PDZRN4: variants seen among roughly 807,000 people sequenced by gnomAD.
PDZRN4 encodes the protein PDZ domain-containing RING finger protein 4.
Under a neutral mutation model 99.0 loss-of-function variants are expected in PDZRN4, and 70 were observed. That is an observed-to-expected ratio of 0.71 (90% confidence interval 0.58 to 0.86). The LOEUF (loss-of-function observed/expected upper bound fraction) is 0.86, where lower values mean the gene tolerates loss of function less well. Ranked by LOEUF, PDZRN4 falls within the 40% of genes least tolerant of loss-of-function variation. PDZRN4 has a pLI of 0.00. For synonymous variants in PDZRN4, 551 were observed against 501.6 expected, an observed-to-expected ratio of 1.10 and a Z score of -1.32; for missense variants, 1,474 against 1,331.2, an observed-to-expected ratio of 1.11 and a Z score of -1.67.
chr12:41,332,682 GT>G (rs1951748000), intron 3 of PDZRN4, among the ~76,000 whole-genome samples: 1 of 145,904 alleles, frequency 6.9e-6, no homozygotes, highest in Admixed American at 6.9e-5. Flanking sequence ...CAAGAACTGA[GT>G]ACAAACTACT....
At chr12:41,471,526 A>G (rs997449261) in intron 3 of PDZRN4, among the ~76,000 whole-genome samples, 1 of 149,228 alleles carries the variant, frequency 6.7e-6, no homozygotes, top group Non-Finnish European at 1.5e-5. Context: ...TTTATATAAT[A>G]TTTATAATTT....
chr12:41,256,650 G>A (rs186792579), intron 3 of PDZRN4, among the ~76,000 whole-genome samples: 1 of 152,240 alleles, frequency 6.6e-6, no homozygotes, highest in East Asian at 1.9e-4. Flanking sequence ...TCTTGCCATA[G>A]CTGACTGAAC....
chr12:41,521,221 C>A (rs1938487330), intron 5 of PDZRN4, among the ~76,000 whole-genome samples: 1 of 152,054 alleles, frequency 6.6e-6, no homozygotes, highest in Non-Finnish European at 1.5e-5. Context: ...TCAATAGTAG[C>A]AAAATGTTAG....
chr12:41,554,051 T>C (rs2120804429), intron 6 of PDZRN4, among the ~76,000 whole-genome samples: 1 of 152,268 alleles, frequency 6.6e-6, no homozygotes, highest in Non-Finnish European at 1.5e-5. Context: ...TGCCAAAAAA[T>C]TTACTGACCG....
At chr12:41,261,569 A>G (rs1368000321) in intron 3 of PDZRN4, among the ~76,000 whole-genome samples, 1 of 152,140 alleles carries the variant, frequency 6.6e-6, no homozygotes, top group East Asian at 1.9e-4. Flanking sequence ...GGCTCACTGC[A>G]AGCTCTGCCT....
chr12:41,338,606 G>C (rs1210271518), intron 3 of PDZRN4, among the ~76,000 whole-genome samples: 1 of 151,832 alleles, frequency 6.6e-6, no homozygotes, highest in African/African-American at 2.4e-5. Context: ...TAAAATCAGA[G>C]ATGAAAATGG....
At chr12:41,437,999 T>A in intron 3 of PDZRN4, 1 of 1,614,080 alleles carries the variant, frequency 6.2e-7, no homozygotes, top group South Asian at 1.1e-5. Context: ...CAAACTGCTG[T>A]ATGAAGTTTC....
intron 3 of PDZRN4, among the ~76,000 whole-genome samples, chr12:41,408,818 T>C (rs1256960309): frequency 4.0e-5 from 6 of 151,862 alleles, no homozygotes; most frequent in African/African-American, 1.2e-4. Flanking sequence ...TCTCTTGCGC[T>C]CTCTCTCTCA....
At chr12:41,318,956 T>C (rs1394209318) in intron 3 of PDZRN4, among the ~76,000 whole-genome samples, 1 of 152,180 alleles carries the variant, frequency 6.6e-6, no homozygotes, top group Admixed American at 6.5e-5. Flanking sequence ...CCTTGTACCA[T>C]GTTTCTGGAA....
intron 2 of PDZRN4, among the ~76,000 whole-genome samples, chr12:41,193,179 A>G (rs1434811401): frequency 6.6e-6 from 1 of 152,216 alleles, no homozygotes; most frequent in Non-Finnish European, 1.5e-5. Context: ...CCTTTTCATC[A>G]TAGCATTTTC....
chr12:41,547,615 ACT>A (rs1415569895), intron 5 of PDZRN4, among the ~76,000 whole-genome samples: 2 of 152,058 alleles, frequency 1.3e-5, no homozygotes, highest in Non-Finnish European at 2.9e-5. Flanking sequence ...ACAGAGTGAG[ACT>A]CTGTCTCAAA....
At chr12:41,375,530 C>G (rs552106201) in intron 3 of PDZRN4, among the ~76,000 whole-genome samples, 1 of 152,174 alleles carries the variant, frequency 6.6e-6, no homozygotes, top group South Asian at 2.1e-4. Flanking sequence ...TATTATTATC[C>G]CTCCTTTACA....
intron 3 of PDZRN4, among the ~76,000 whole-genome samples, chr12:41,389,088 G>T (rs1401979623): frequency 6.6e-6 from 1 of 152,062 alleles, no homozygotes; most frequent in East Asian, 1.9e-4. Flanking sequence ...AAATGTCTCT[G>T]CAGGTACTTA....
intron 3 of PDZRN4, among the ~76,000 whole-genome samples, chr12:41,495,222 G>C (rs17129403): frequency 0.024 from 3,614 of 151,978 alleles, 74 homozygotes; most frequent in Non-Finnish European, 0.037. Flanking sequence ...TGGCTAGGTT[G>C]GTAATAACTG....
At chr12:41,204,677 A>G (rs1452914783) in intron 3 of PDZRN4, among the ~76,000 whole-genome samples, 1 of 152,014 alleles carries the variant, frequency 6.6e-6, no homozygotes, top group Non-Finnish European at 1.5e-5. Flanking sequence ...ACGAAAAAGC[A>G]TGGGGGAACC....
Position 41,500,837 on chromosome 12 carries a change from T to C in PDZRN4, c.844-5619T>C, listed in dbSNP as rs1938096345. ...ATATAGGGTTCAGATTATCTGAAAT[T>C]CCTTCTCTACCAAACATTTCAGCAG... is the stretch of plus-strand genomic sequence containing the variant. On this transcript the variant is annotated intron_variant, in intron 3 of 9. Coordinates refer to ENST00000402685, the MANE Select transcript of PDZRN4 (RefSeq NM_001164595.2). 2.6e-5 allele frequency among the ~76,000 whole-genome samples: 4 copies of C among 152,138 alleles called. No individual in the cohort carries two copies. In the South Asian group the frequency reaches 8.3e-4, roughly 32 times the overall value.
chr12:41,373,399 G>A (rs1565565261), intron 3 of PDZRN4, among the ~76,000 whole-genome samples: 1 of 152,076 alleles, frequency 6.6e-6, no homozygotes, highest in African/African-American at 2.4e-5. Flanking sequence ...GACCATAAAA[G>A]ACAGCCGCCC....
chr12:41,232,391 AT>A (rs2120758503), intron 3 of PDZRN4, among the ~76,000 whole-genome samples: 1 of 152,064 alleles, frequency 6.6e-6, no homozygotes, highest in South Asian at 2.1e-4. Context: ...TTCCTTTGCT[AT>A]TTTTCCATAG....
At chr12:41,455,730 T>A (rs946862314) in intron 3 of PDZRN4, among the ~76,000 whole-genome samples, 3 of 152,170 alleles carry the variant, frequency 2.0e-5, no homozygotes, top group African/African-American at 7.2e-5. Context: ...CAATAATACT[T>A]CCTGTTATGT....
Sources: gnomAD v4.1 joint callset for allele counts (sites outside exome capture counted in the v4.1 genomes callset) on GRCh38, gnomAD v4.1.1 for gene constraint, MANE v1.5 for transcripts, NCBI Gene and HGNC (gene_info 2026-07-23, HGNC 2026-07-21) for gene names.